Variants in SAMD5 observed in about 807,000 individuals in gnomAD.
The protein encoded by SAMD5 is sterile alpha motif domain containing 5.
Under a neutral mutation model 11.3 loss-of-function variants are expected in SAMD5, and 13 were observed. The observed-to-expected ratio is 1.15, with a 90% CI of 0.75 to 1.83. The LOEUF is 1.83. Ranked by LOEUF, SAMD5 falls within the 40% of genes most tolerant of loss-of-function variation. The pLI is 0.00. For synonymous variants in SAMD5, 129 were observed against 111.3 expected (o/e 1.16, Z -1.00); for missense variants, 255 against 239.1 (o/e 1.07, Z -0.44).
the SAMD5 span, among the ~76,000 whole-genome samples, chr6:147,826,672 C>G: frequency 6.6e-6 from 1 of 152,046 alleles, no homozygotes. Context: ...TTAAAGTGGC[C>G]CAAGTTCTTC....
chr6:147,927,405 AT>A, the SAMD5 span, among the ~76,000 whole-genome samples: 1 of 151,946 alleles, frequency 6.6e-6, no homozygotes, highest in Non-Finnish European at 1.5e-5. Flanking sequence ...ATTCCTAGAT[AT>A]TTTATTCTTT....
the SAMD5 span, among the ~76,000 whole-genome samples, chr6:147,952,885 T>A: frequency 0.81 from 122,728 of 152,192 alleles, 49,596 homozygotes; most frequent in Middle Eastern, 0.91. Flanking sequence ...TTTCATAATG[T>A]ATTATCTCCT....
At chr6:147,950,528 C>T in the SAMD5 span, among the ~76,000 whole-genome samples, 2 of 152,160 alleles carry the variant, frequency 1.3e-5, no homozygotes, top group African/African-American at 4.8e-5. Flanking sequence ...CATTTGGCCC[C>T]GACCTGGTAT....
At chr6:147,852,836 C>T in the SAMD5 span, among the ~76,000 whole-genome samples, 31 of 152,272 alleles carry the variant, frequency 2.0e-4, no homozygotes, top group Non-Finnish European at 1.5e-5. Flanking sequence ...GCCTCTAGGC[C>T]ATGCCTCCCA....
chr6:147,930,704 C>T, the SAMD5 span, among the ~76,000 whole-genome samples: 9 of 152,104 alleles, frequency 5.9e-5, no homozygotes, highest in Non-Finnish European at 1.2e-4. Context: ...CCTGAGAGGC[C>T]ACTGGTGCAA....
chr6:147,831,043 A>G, the SAMD5 span, among the ~76,000 whole-genome samples: 1 of 152,246 alleles, frequency 6.6e-6, no homozygotes, highest in African/African-American at 2.4e-5. Flanking sequence ...AGAGGAACAG[A>G]GGTTCCTGTA....
chr6:147,525,417 A>G (rs1788321648), intron 1 of SAMD5, among the ~76,000 whole-genome samples: 1 of 150,430 alleles, frequency 6.6e-6, no homozygotes, highest in South Asian at 2.2e-4. Flanking sequence ...TACATTTTGA[A>G]AAGTCCATAG....
chr6:147,697,348 T>G (rs1488236465), intron 1 of SAMD5, among the ~76,000 whole-genome samples: 1 of 152,206 alleles, frequency 6.6e-6, no homozygotes, highest in Non-Finnish European at 1.5e-5. Context: ...TTGGCCGCCT[T>G]GTGGAATGGT....
intron 1 of SAMD5, among the ~76,000 whole-genome samples, chr6:147,699,211 AGCACCTAGACTGAC>A: frequency 6.6e-6 from 1 of 152,320 alleles, no homozygotes; most frequent in Middle Eastern, 3.4e-3. Context: ...GGTATCCTTC[AGCACCTAGACTGAC>A]GCCTGGCTCA....
the SAMD5 span, among the ~76,000 whole-genome samples, chr6:147,945,960 C>T: frequency 2.0e-5 from 3 of 152,152 alleles, no homozygotes; most frequent in African/African-American, 4.8e-5. Context: ...AGAGGTCAGC[C>T]GAGCATTCAA....
At chr6:147,761,842 A>G in the SAMD5 span, among the ~76,000 whole-genome samples, 4 of 151,960 alleles carry the variant, frequency 2.6e-5, no homozygotes, top group Admixed American at 2.6e-4. Context: ...CCTCCCGTGT[A>G]GCTGGGATTA....
At chr6:147,795,410 G>A in the SAMD5 span, among the ~76,000 whole-genome samples, 1 of 138,990 alleles carries the variant, frequency 7.2e-6, no homozygotes, top group Non-Finnish European at 1.5e-5. Flanking sequence ...ATTTTTTATG[G>A]CTGCATAGTA....
the SAMD5 span, among the ~76,000 whole-genome samples, chr6:147,861,171 C>CTT: frequency 0.029 from 4,316 of 146,626 alleles, 227 homozygotes; most frequent in African/African-American, 0.1. Context: ...GTGATTATTT[C>CTT]TTTTTTTTTT....
intron 1 of SAMD5, among the ~76,000 whole-genome samples, chr6:147,627,166 A>T (rs1413685205): frequency 6.6e-6 from 1 of 152,220 alleles, no homozygotes; most frequent in Non-Finnish European, 1.5e-5. Flanking sequence ...ATATGGACAG[A>T]TTTGGAGTAC....
chr6:147,830,357 A>G, the SAMD5 span, among the ~76,000 whole-genome samples: 2 of 149,070 alleles, frequency 1.3e-5, no homozygotes, highest in Non-Finnish European at 3.0e-5. Flanking sequence ...CCCGGGTTCA[A>G]GCAATTTTCA....
At chr6:147,616,695 T>A (rs1018523980) in intron 1 of SAMD5, among the ~76,000 whole-genome samples, 23 of 152,218 alleles carry the variant, frequency 1.5e-4, no homozygotes, top group African/African-American at 5.5e-4. Context: ...GAAAGAGGTT[T>A]AATTGACTCA....
At chr6:147,668,149 T>G (rs1790747122) in intron 1 of SAMD5, among the ~76,000 whole-genome samples, 1 of 152,232 alleles carries the variant, frequency 6.6e-6, no homozygotes, top group Admixed American at 6.5e-5. Flanking sequence ...AACCTCATTT[T>G]CCTTTTCAGA....
chr6:147,517,937 C>A (rs893305563), intron 1 of SAMD5, among the ~76,000 whole-genome samples: 9 of 148,910 alleles, frequency 6.0e-5, no homozygotes, highest in Non-Finnish European at 1.3e-4. Flanking sequence ...TACTCATTTT[C>A]CCTAGTTTTA....
At chr6:147,751,513 A>G in the SAMD5 span, among the ~76,000 whole-genome samples, 2 of 152,206 alleles carry the variant, frequency 1.3e-5, no homozygotes, top group Non-Finnish European at 2.9e-5. Context: ...TACAACAGGG[A>G]TCCAAAAGAA....
Sources: gnomAD v4.1 joint callset for allele counts (sites outside exome capture counted in the v4.1 genomes callset) on GRCh38, gnomAD v4.1.1 for gene constraint, MANE v1.5 for transcripts, NCBI Gene and HGNC (gene_info 2026-07-23, HGNC 2026-07-21) for gene names.